TMEM135: variants seen among roughly 807,000 people sequenced by gnomAD.
TMEM135 encodes peroxisomal membrane protein 52.
A neutral mutation model predicts 60.3 loss-of-function variants in TMEM135; 30 were observed. The observed-to-expected ratio is 0.50, with a 90% CI of 0.37 to 0.68. The LOEUF is 0.68. Among genes scored for constraint, TMEM135 ranks in the 30% least tolerant of loss-of-function variants. The pLI, the probability that TMEM135 is intolerant of heterozygous loss-of-function variation, is 0.00. For synonymous variants in TMEM135, 190 were observed against 186.7 expected (o/e 1.02, Z -0.14); for missense variants, 468 against 548.8 (o/e 0.85, Z 1.47).
intron 3 of TMEM135, among the ~76,000 whole-genome samples, chr11:87,084,721 T>C (rs1857060714): frequency 6.6e-6 from 1 of 152,184 alleles, no homozygotes; most frequent in Admixed American, 6.5e-5. Flanking sequence ...AAGGGAACAA[T>C]GAGAAAAGCT....
chr11:87,302,469 C>T (rs1389233128), intron 8 of TMEM135, 27 bp downstream of exon 8: 2 of 1,613,320 alleles, frequency 1.2e-6, no homozygotes, highest in Non-Finnish European at 1.7e-6. Context: ...GATATTTTAA[C>T]CTGCTTTGTC....
intron 7 of TMEM135, among the ~76,000 whole-genome samples, chr11:87,298,111 C>T (rs1277570529): frequency 2.6e-5 from 4 of 152,072 alleles, no homozygotes; most frequent in Admixed American, 6.6e-5. Context: ...GCAGTCCTGG[C>T]GGTCGTGATT....
At chr11:87,054,793 CA>C (rs1565422409) in intron 1 of TMEM135, among the ~76,000 whole-genome samples, 3 of 151,904 alleles carry the variant, frequency 2.0e-5, no homozygotes, top group Non-Finnish European at 4.4e-5. Flanking sequence ...ACACATGGGA[CA>C]ATTTTTTTTT....
intron 3 of TMEM135, among the ~76,000 whole-genome samples, chr11:87,086,849 A>G (rs1289473971): frequency 1.3e-5 from 2 of 152,186 alleles, no homozygotes; most frequent in African/African-American, 4.8e-5. Flanking sequence ...GCTTGGAGGT[A>G]GGATTTCACC....
At chr11:87,138,306 G>A (rs929211436) in intron 4 of TMEM135, among the ~76,000 whole-genome samples, 14 of 152,160 alleles carry the variant, frequency 9.2e-5, no homozygotes, top group Non-Finnish European at 1.5e-4. Flanking sequence ...GGCCAGGCTG[G>A]TCTCAAGCTC....
At chr11:87,281,022 C>T (rs1453814422) in intron 6 of TMEM135, among the ~76,000 whole-genome samples, 14 of 152,142 alleles carry the variant, frequency 9.2e-5, no homozygotes, top group Non-Finnish European at 1.9e-4. Context: ...TAAGAAAAGA[C>T]TGGAAGCCCC....
At chr11:87,237,180 C>G (rs1246835751) in intron 6 of TMEM135, among the ~76,000 whole-genome samples, 4 of 151,894 alleles carry the variant, frequency 2.6e-5, no homozygotes, top group Admixed American at 6.6e-5. Context: ...TGACACTGGT[C>G]TCAGGTTTGT....
At chr11:87,163,307 G>T (rs574867366) in intron 5 of TMEM135, among the ~76,000 whole-genome samples, 1 of 143,902 alleles carries the variant, frequency 6.9e-6, no homozygotes, top group East Asian at 2.1e-4. Context: ...TTGTTCTTGC[G>T]ATAGTTTACT....
At chr11:87,088,396 T>C (rs1857140580) in intron 3 of TMEM135, among the ~76,000 whole-genome samples, 1 of 152,152 alleles carries the variant, frequency 6.6e-6, no homozygotes, top group African/African-American at 2.4e-5. Context: ...TATTACCCTA[T>C]GTTAAGAATA....
chr11:87,160,704 A>G (rs473996), intron 5 of TMEM135, among the ~76,000 whole-genome samples: 19,585 of 152,206 alleles, frequency 0.13, 1,334 homozygotes, highest in Middle Eastern at 0.15. Flanking sequence ...ATGCATTCTA[A>G]TTATTACTAT....
chr11:87,241,992 C>A (rs1219310947), intron 6 of TMEM135, among the ~76,000 whole-genome samples: 1 of 151,862 alleles, frequency 6.6e-6, no homozygotes, highest in Non-Finnish European at 1.5e-5. Flanking sequence ...ATACCTAATG[C>A]TCTCTCCCTG....
At chr11:87,280,086 A>G (rs1942032836) in intron 6 of TMEM135, among the ~76,000 whole-genome samples, 2 of 152,162 alleles carry the variant, frequency 1.3e-5, no homozygotes, top group South Asian at 4.1e-4. Flanking sequence ...TAATCTATCA[A>G]AAAGTTATTA....
At chr11:87,218,058 A>C (rs1471182772) in intron 5 of TMEM135, among the ~76,000 whole-genome samples, 1 of 152,138 alleles carries the variant, frequency 6.6e-6, no homozygotes, top group Non-Finnish European at 1.5e-5. Context: ...ACATTTGGCT[A>C]TGTTTGGAGG....
intron 1 of TMEM135, among the ~76,000 whole-genome samples, chr11:87,054,689 C>T (rs142256145): frequency 6.6e-6 from 1 of 152,094 alleles, no homozygotes; most frequent in Non-Finnish European, 1.5e-5. Flanking sequence ...GATTAATCCA[C>T]TTTGGGAGTT....
chr11:87,066,782 T>C (rs1856668928), intron 1 of TMEM135, among the ~76,000 whole-genome samples: 1 of 141,774 alleles, frequency 7.1e-6, no homozygotes, highest in Non-Finnish European at 1.5e-5. Context: ...CTAGATTCTT[T>C]CTTTTTTTTT....
At chr11:87,041,021 A>G (rs1369858156) in intron 1 of TMEM135, among the ~76,000 whole-genome samples, 1 of 152,214 alleles carries the variant, frequency 6.6e-6, no homozygotes, top group African/African-American at 2.4e-5. Flanking sequence ...AGGATAATGT[A>G]AACTGAGGCA....
intron 5 of TMEM135, 161 bp downstream of exon 5, chr11:87,157,567 A>C (rs941091987): frequency 1.1e-5 from 7 of 612,516 alleles, no homozygotes; most frequent in Non-Finnish European, 2.0e-5. Context: ...ATTTTAATTC[A>C]TAGTCATGTT....
intron 5 of TMEM135, among the ~76,000 whole-genome samples, chr11:87,159,992 T>C (rs1362393932): frequency 1.3e-5 from 2 of 152,172 alleles, no homozygotes; most frequent in African/African-American, 4.8e-5. Flanking sequence ...GGTTAATTTA[T>C]TTGTCCTAGG....
chr11:87,069,143 G>T (rs888187319), intron 2 of TMEM135, among the ~76,000 whole-genome samples: 13 of 151,636 alleles, frequency 8.6e-5, no homozygotes, highest in African/African-American at 3.1e-4. Flanking sequence ...AAAATTAGCC[G>T]GGCGTGGTGG....
Sources: gnomAD v4.1 joint callset for allele counts (sites outside exome capture counted in the v4.1 genomes callset) on GRCh38, gnomAD v4.1.1 for gene constraint, MANE v1.5 for transcripts, NCBI Gene and HGNC (gene_info 2026-07-23, HGNC 2026-07-21) for gene names.